Variants in NCK1 observed in about 807,000 individuals in gnomAD.
NCK1 encodes SH2/SH3 adapter protein NCK1.
NCK1 carries 19 observed loss-of-function variants against 36.6 expected under a neutral mutation model. The observed-to-expected ratio is 0.52, with a 90% CI of 0.36 to 0.76. NCK1 has a LOEUF of 0.76. Ranked by LOEUF, NCK1 falls within the 30% of genes least tolerant of loss-of-function variation. The pLI is 0.00. For synonymous variants in NCK1, 165 were observed against 156.0 expected (o/e 1.06, Z -0.43); for missense variants, 358 against 445.6 (o/e 0.80, Z 1.77).
At chr3:136,864,058 G>A (rs1433642824) in intron 1 of NCK1, among the ~76,000 whole-genome samples, 1 of 151,296 alleles carries the variant, frequency 6.6e-6, no homozygotes, top group South Asian at 2.1e-4. Flanking sequence ...CCGAGATCGC[G>A]CCACTGCACT....
chr3:136,880,115 T>C (rs962196623), intron 1 of NCK1, among the ~76,000 whole-genome samples: 1 of 151,126 alleles, frequency 6.6e-6, no homozygotes, highest in Non-Finnish European at 1.5e-5. Context: ...AAACCCCGAC[T>C]CTACTAAAAA....
chr3:136,893,946 G>T lies in NCK1; in HGVS notation c.-19+31593G>T, dbSNP rs146218156. Among the ~76,000 whole-genome samples, 1,129 of 152,250 alleles carry T rather than the reference G, an allele frequency of 7.4e-3. 20 individuals carry two copies. The highest frequency in any genetic ancestry group is 0.024 in the African/African-American group (1,017 of 41,540). Reference sequence around the variant, plus strand: ...GTCCTTTCGGCTTTCATCCTTGTGGGACTTGAGCCTTTAGTTGCCTTGCCT... The same window carrying T: ...GTCCTTTCGGCTTTCATCCTTGTGGTACTTGAGCCTTTAGTTGCCTTGCCT... On this transcript the variant is annotated intron_variant, in intron 1 of 3. Transcript: ENST00000481752.
At chr3:136,930,632 AAGTTGT>A (rs1940366948) in intron 2 of NCK1, 2 of 1,387,230 alleles carry the variant, frequency 1.4e-6, no homozygotes, top group East Asian at 5.5e-5. Flanking sequence ...TGTTTTCTTG[AAGTTGT>A]GAATTAGATT....
chr3:136,917,156 A>T (rs1576976096), intron 1 of NCK1, among the ~76,000 whole-genome samples: 1 of 151,054 alleles, frequency 6.6e-6, no homozygotes, highest in African/African-American at 2.4e-5. Context: ...TGTCCATCCT[A>T]TGGGCTGCAT....
chr3:136,940,614 G>A (rs1001107412), intron 2 of NCK1, among the ~76,000 whole-genome samples: 7 of 151,466 alleles, frequency 4.6e-5, no homozygotes, highest in Admixed American at 3.9e-4. Context: ...GCGTGACCTC[G>A]GCTCACTGCA....
At chr3:136,903,692 T>C (rs1484303965) in intron 1 of NCK1, among the ~76,000 whole-genome samples, 4 of 152,180 alleles carry the variant, frequency 2.6e-5, no homozygotes, top group African/African-American at 7.2e-5. Flanking sequence ...CCCAAAGTGC[T>C]GGGATTGTAG....
intron 2 of NCK1, among the ~76,000 whole-genome samples, chr3:136,944,364 C>T (rs901231539): frequency 2.6e-5 from 4 of 151,966 alleles, no homozygotes; most frequent in Admixed American, 1.3e-4. Flanking sequence ...GTGATCTGCC[C>T]GCCTCAGCCT....
chr3:136,886,338 G>C (rs891793985), intron 1 of NCK1, among the ~76,000 whole-genome samples: 1 of 152,032 alleles, frequency 6.6e-6, no homozygotes, highest in Non-Finnish European at 1.5e-5. Context: ...ACTCCTTGCA[G>C]ATACCAAAAT....
At chr3:136,893,180 A>C (rs140904246) in intron 1 of NCK1, among the ~76,000 whole-genome samples, 2 of 27,174 alleles carry the variant, frequency 7.4e-5, no homozygotes, top group Admixed American at 6.0e-4. Flanking sequence ...GTGTGTGTGT[A>C]TATATATATA....
intron 1 of NCK1, among the ~76,000 whole-genome samples, chr3:136,919,664 A>G (rs1343087176): frequency 1.3e-5 from 2 of 152,164 alleles, no homozygotes; most frequent in Non-Finnish European, 2.9e-5. Context: ...TTCTATAGGT[A>G]TAGCTATATA....
rs1336387776 is a variant in NCK1, at chr3:136,945,802, A to G, written c.446A>G (p.Asn149Ser). 1 of 1,614,016 alleles carries G rather than the reference A, an allele frequency of 6.2e-7. No homozygotes were observed. Among genetic ancestry groups the G allele is most frequent in the African/African-American group, 1.3e-5 (1 of 74,916 alleles). The change falls in exon 3 of 4, where the codon AAT (asparagine) becomes AGT (serine). Residue 149 changes from asparagine (N) to serine (S), a missense_variant. Around this residue, in one of 3 missense-constraint regions of NCK1, gnomAD observed 8 missense variants for 29.8 expected, o/e 0.27. Coordinates refer to ENST00000481752, the MANE Select transcript of NCK1 (RefSeq NM_001291999.2). ...GATGGGTGGTGGCGTGGTAGCTACA[A>G]TGGACAAGTTGGATGGTTCCCTTCA... Reference protein sequence around the residue: ...CSDGWWRGSYNGQVGWFPSNY... With the variant: ...CSDGWWRGSYSGQVGWFPSNY...
At chr3:136,895,297 T>C (rs574615627) in intron 1 of NCK1, among the ~76,000 whole-genome samples, 5 of 152,158 alleles carry the variant, frequency 3.3e-5, no homozygotes, top group Non-Finnish European at 1.5e-5. Context: ...GTATAAGGCT[T>C]TGGTATGTTT....
intron 2 of NCK1, among the ~76,000 whole-genome samples, chr3:136,931,055 C>T (rs1378556852): frequency 8.0e-5 from 12 of 150,536 alleles, no homozygotes; most frequent in Non-Finnish European, 3.0e-5. Flanking sequence ...AATAAAAACA[C>T]TAGTAAAGAG....
chr3:136,912,329 A>AT (rs1553795928), intron 1 of NCK1, among the ~76,000 whole-genome samples: 1 of 151,560 alleles, frequency 6.6e-6, no homozygotes, highest in Non-Finnish European at 1.5e-5. Context: ...CGCCTGGCTG[A>AT]TTTTTGTGTT....
intron 1 of NCK1, among the ~76,000 whole-genome samples, chr3:136,886,669 G>A (rs1939081174): frequency 6.6e-6 from 1 of 152,086 alleles, no homozygotes; most frequent in Non-Finnish European, 1.5e-5. Flanking sequence ...TTTGTCTCCA[G>A]ATAAATGAGA....
At chr3:136,914,490 A>G (rs1939909892) in intron 1 of NCK1, among the ~76,000 whole-genome samples, 1 of 152,238 alleles carries the variant, frequency 6.6e-6, no homozygotes, top group African/African-American at 2.4e-5. Context: ...CTTTCTCCCC[A>G]GAATCCTCTA....
At position 136,946,149 on chromosome 3, in the gene NCK1, C is replaced by T; in HGVS notation, c.793C>T (p.Gln265Ter). The T allele has an allele frequency of 6.2e-7, 1 of 1,613,704 alleles. No homozygotes were observed. The highest frequency in any genetic ancestry group is 8.5e-7 in the Non-Finnish European group (1 of 1,179,930). Reference sequence around the variant, plus strand: ...TTCAGGTTTGGAACCATCACCTCCACAGTGTGATTACATTAGGCCTTCACT... The same window carrying T: ...TTCAGGTTTGGAACCATCACCTCCATAGTGTGATTACATTAGGCCTTCACT... Reference protein sequence around the residue: ...LTSGLEPSPPQCDYIRPSLTG... With the variant: ...LTSGLEPSPP The change falls in exon 3 of 4, where the codon CAG (glutamine) becomes TAG (stop). Residue 265 changes from glutamine to a stop codon, truncating the protein, a stop_gained. Coordinates refer to ENST00000481752, the MANE Select transcript of NCK1 (RefSeq NM_001291999.2). LOFTEE classifies it high-confidence loss of function.
At chr3:136,915,696 A>G (rs996413770) in intron 1 of NCK1, among the ~76,000 whole-genome samples, 1 of 151,662 alleles carries the variant, frequency 6.6e-6, no homozygotes, top group Non-Finnish European at 1.5e-5. Context: ...GAAGGAAGAG[A>G]GTGAAGGTGA....
chr3:136,890,094 G>GA (rs1939195700), intron 1 of NCK1, among the ~76,000 whole-genome samples: 2 of 152,166 alleles, frequency 1.3e-5, no homozygotes, highest in Non-Finnish European at 2.9e-5. Flanking sequence ...GCAGCCCATG[G>GA]GGCGGGGAGG....
Sources: allele counts gnomAD v4.1 joint callset (sites outside exome capture counted in the v4.1 genomes callset), GRCh38; gene constraint gnomAD v4.1.1; regional missense constraint gnomAD v4.1.1; transcripts MANE v1.5; gene names NCBI Gene and HGNC (gene_info 2026-07-23, HGNC 2026-07-21).